The following GFRA2 variants were observed in gnomAD, a reference collection of about 807,000 sequenced individuals.
The protein encoded by GFRA2 is GDNF family receptor alpha-2.
GFRA2 carries 17 observed loss-of-function variants against 48.3 expected under a neutral mutation model. The observed-to-expected ratio is 0.35, with a 90% CI of 0.24 to 0.53. The LOEUF (loss-of-function observed/expected upper bound fraction) is 0.53. Ranked by LOEUF, GFRA2 falls within the 20% of genes least tolerant of loss-of-function variation. The pLI is 0.93. For synonymous variants in GFRA2, 305 were observed against 257.2 expected, an observed-to-expected ratio of 1.19 and a Z score of -1.78; for missense variants, 660 against 637.3, an observed-to-expected ratio of 1.04 and a Z score of -0.38.
At position 21,782,839 on chromosome 8, in the gene GFRA2, C is replaced by G. The variant is rs1368559995; in HGVS notation, c.101G>C (p.Trp34Ser). Reference sequence around the variant, plus strand: ...CCGGACACAGTCCACTGGGGGGCGCCAGCCGTGGAGCTCGGGGCCCTGCAG... The same window carrying G: ...CCGGACACAGTCCACTGGGGGGCGCGAGCCGTGGAGCTCGGGGCCCTGCAG... The part of the protein sequence containing the change: ...SSLQGPELHG[W>S]RPPVDCVRAN... The change falls in exon 2 of 9, where the codon TGG (tryptophan) becomes TCG (serine). Residue 34 changes from tryptophan to serine, a missense_variant. Transcript: ENST00000524240. The G allele has an allele frequency of 7.0e-6, 11 of 1,571,062 alleles. No homozygotes were observed. In the East Asian group the frequency reaches 2.5e-4, roughly 36 times the overall value.
chr8:21,730,821 C>T (rs1414113638), intron 4 of GFRA2, among the ~76,000 whole-genome samples: 1 of 152,186 alleles, frequency 6.6e-6, no homozygotes. Flanking sequence ...TATCTTCCCT[C>T]CTTCCTTTCC....
At chr8:21,802,592 C>T (rs924731562) in intron 2 of GFRA2, among the ~76,000 whole-genome samples, 10 of 152,060 alleles carry the variant, frequency 6.6e-5, no homozygotes, top group African/African-American at 2.2e-4. Flanking sequence ...TGGGCTCAAG[C>T]GATCCTCCCA....
At chr8:21,812,097 C>A (rs1196292359) in intron 1 of GFRA2, 1 of 152,304 alleles carries the variant, frequency 6.6e-6, no homozygotes, top group Non-Finnish European at 1.5e-5. Flanking sequence ...TCTGCCCCTA[C>A]TGAAGCGTGT....
chr8:21,724,341 C>T (rs62492246), intron 4 of GFRA2, among the ~76,000 whole-genome samples: 17,075 of 151,908 alleles, frequency 0.11, 1,020 homozygotes, highest in South Asian at 0.18. Context: ...GGGGTTGGTG[C>T]GGGGCTGTTG....
chr8:21,767,419 C>T (rs1020602437), intron 3 of GFRA2, among the ~76,000 whole-genome samples: 28 of 152,362 alleles, frequency 1.8e-4, no homozygotes, highest in South Asian at 1.4e-3. Flanking sequence ...ACAATGACCC[C>T]TCTCCCGCTG....
intron 4 of GFRA2, among the ~76,000 whole-genome samples, chr8:21,723,181 A>G (rs1400551092): frequency 2.0e-5 from 3 of 152,212 alleles, no homozygotes; most frequent in Non-Finnish European, 4.4e-5. Flanking sequence ...TGGGACTTCT[A>G]TATAAAGTTC....
intron 3 of GFRA2, among the ~76,000 whole-genome samples, chr8:21,753,969 G>C (rs1276457869): frequency 6.6e-6 from 1 of 152,176 alleles, no homozygotes; most frequent in Non-Finnish European, 1.5e-5. Context: ...CCTTGGCCTG[G>C]AAGTCTCTCC....
At chr8:21,802,929 C>G (rs775765920) in intron 2 of GFRA2, among the ~76,000 whole-genome samples, 1 of 152,124 alleles carries the variant, frequency 6.6e-6, no homozygotes, top group Non-Finnish European at 1.5e-5. Flanking sequence ...TGAACCTACT[C>G]TATAATAGGC....
intron 4 of GFRA2, among the ~76,000 whole-genome samples, chr8:21,726,487 G>A (rs952866710): frequency 2.0e-5 from 3 of 152,214 alleles, no homozygotes; most frequent in Middle Eastern, 3.2e-3. Context: ...CTGGAGGCCA[G>A]AAGTCCAAGA....
intron 4 of GFRA2, among the ~76,000 whole-genome samples, chr8:21,728,939 T>C (rs1485694275): frequency 2.6e-5 from 4 of 152,216 alleles, no homozygotes; most frequent in Non-Finnish European, 5.9e-5. Context: ...TCTGCAGCCT[T>C]GCTGTCTGGG....
chr8:21,803,157 G>C (rs1169280736), intron 2 of GFRA2, among the ~76,000 whole-genome samples: 1 of 152,160 alleles, frequency 6.6e-6, no homozygotes, highest in Admixed American at 6.5e-5. Flanking sequence ...CGGTCACTCA[G>C]GGATCCAGGC....
Position 21,782,607 on chromosome 8 carries a change from G to A in GFRA2, c.333C>T (p.Ser111=), listed in dbSNP as rs1210774797. The part of the protein sequence containing the change: ...KELQCLQIYW[S]IHLGLTEGEE... ...TACCCTCGGTCAGCCCCAGGTGGAT[G>A]CTCCAGTAGATCTGCAGACACTGCA... Residue 111 remains serine, a synonymous_variant, in exon 2 of 9, where the codon AGC becomes AGT. Transcript: ENST00000524240. The A allele has an allele frequency of 6.3e-7, 1 of 1,582,266 alleles. No individual in the cohort carries two copies. Among genetic ancestry groups the A allele is most frequent in the Non-Finnish European group, 8.6e-7 (1 of 1,164,734 alleles).
chr8:21,728,495 C>T (rs1402499236), intron 4 of GFRA2, among the ~76,000 whole-genome samples: 1 of 151,816 alleles, frequency 6.6e-6, no homozygotes, highest in Non-Finnish European at 1.5e-5. Context: ...GGCTGGTCTC[C>T]AACTCCTGAC....
intron 4 of GFRA2, among the ~76,000 whole-genome samples, chr8:21,731,337 C>A (rs970369961): frequency 6.6e-6 from 1 of 152,120 alleles, no homozygotes; most frequent in Non-Finnish European, 1.5e-5. Context: ...GAGCTGAGAA[C>A]GATGAGGATG....
intron 1 of GFRA2, among the ~76,000 whole-genome samples, chr8:21,809,139 G>A (rs902227976): frequency 6.6e-6 from 1 of 152,142 alleles, no homozygotes; most frequent in Non-Finnish European, 1.5e-5. Context: ...CATCACGCAA[G>A]GAGTAAGTGA....
At chr8:21,728,635 C>T (rs1051390838) in intron 4 of GFRA2, among the ~76,000 whole-genome samples, 5 of 152,140 alleles carry the variant, frequency 3.3e-5, no homozygotes, top group African/African-American at 1.2e-4. Flanking sequence ...TGGACCACAT[C>T]TGGAGAGAAA....
intron 4 of GFRA2, among the ~76,000 whole-genome samples, chr8:21,716,966 C>A (rs577574764): frequency 2.0e-5 from 3 of 152,192 alleles, no homozygotes; most frequent in African/African-American, 7.2e-5. Context: ...GCAGCCTGCT[C>A]GGTCTTGTCC....
chr8:21,789,611 G>C (rs1490524595), upstream of GFRA2, among the ~76,000 whole-genome samples: 1 of 152,042 alleles, frequency 6.6e-6, no homozygotes, highest in Non-Finnish European at 1.5e-5. Flanking sequence ...CGCCGGCCCC[G>C]CGCGCCCCCG....
intron 4 of GFRA2, among the ~76,000 whole-genome samples, chr8:21,725,000 G>A (rs1008336026): frequency 2.6e-5 from 4 of 152,136 alleles, no homozygotes; most frequent in East Asian, 3.9e-4. Context: ...TGGCCTTCCC[G>A]GCTAGGCCTT....
Sources: gnomAD v4.1 joint callset for allele counts (sites outside exome capture counted in the v4.1 genomes callset) on GRCh38, gnomAD v4.1.1 for gene constraint, MANE v1.5 for transcripts, NCBI Gene and HGNC (gene_info 2026-07-23, HGNC 2026-07-21) for gene names.